Variants in PPP2R3A observed in about 807,000 individuals in gnomAD.
PPP2R3A encodes protein phosphatase 2 regulatory subunit B''alpha.
PPP2R3A carries 80 observed loss-of-function variants against 106.9 expected under a neutral mutation model. That is an observed-to-expected ratio of 0.75 (90% CI 0.62 to 0.90). The LOEUF is 0.90. PPP2R3A is among the 40% of genes least tolerant of loss of function. The pLI is 0.00. For missense variants in PPP2R3A, 1,386 were observed against 1,350.4 expected (o/e 1.03, Z -0.41); for synonymous variants, 483 against 468.3 (o/e 1.03, Z -0.41).
intron 5 of PPP2R3A, among the ~76,000 whole-genome samples, chr3:136,066,161 A>G (rs1452516180): frequency 6.6e-6 from 1 of 152,244 alleles, no homozygotes; most frequent in Non-Finnish European, 1.5e-5. Flanking sequence ...AACTGCACAA[A>G]AAAGCACAAA....
intron 7 of PPP2R3A, chr3:136,079,137 T>C (rs1350475985): frequency 4.4e-6 from 2 of 451,534 alleles, no homozygotes; most frequent in Non-Finnish European, 8.9e-6. Flanking sequence ...TTTCCTATCT[T>C]CATCTGAGAC....
At chr3:135,983,792 C>T (rs1023458123) in intron 1 of PPP2R3A, among the ~76,000 whole-genome samples, 3 of 152,078 alleles carry the variant, frequency 2.0e-5, no homozygotes, top group Non-Finnish European at 4.4e-5. Flanking sequence ...TAATTATGTC[C>T]TAGTCAGTTA....
At chr3:136,089,156 C>T (rs1937030883) in intron 9 of PPP2R3A, among the ~76,000 whole-genome samples, 1 of 152,090 alleles carries the variant, frequency 6.6e-6, no homozygotes, top group South Asian at 2.1e-4. Flanking sequence ...AATTATTTGC[C>T]TAGGCTAATG....
intron 3 of PPP2R3A, among the ~76,000 whole-genome samples, chr3:136,030,539 T>C (rs886290463): frequency 1.3e-5 from 2 of 151,894 alleles, no homozygotes; most frequent in Non-Finnish European, 2.9e-5. Context: ...TAGTGTTTTA[T>C]CCCTCACCCC....
chr3:136,011,708 A>C (rs980973225), intron 2 of PPP2R3A, among the ~76,000 whole-genome samples: 2 of 152,156 alleles, frequency 1.3e-5, no homozygotes, highest in African/African-American at 4.8e-5. Context: ...GAGATCTTTG[A>C]ATCAGTCATC....
chr3:136,022,951 T>G lies in PPP2R3A; in HGVS notation c.1996-3881T>G, dbSNP rs1009801243. On this transcript the variant is annotated intron_variant, in intron 2 of 13. Transcript: ENST00000264977. ...GGAGAGCACAATGCTTGAATTTCAT[T>G]TCTTTGGGAGATAAGAAGAAAAAAT... is the stretch of plus-strand genomic sequence containing the variant. 17 of 1,522,152 alleles carry G rather than the reference T, an allele frequency of 1.1e-5. No homozygotes were observed. The South Asian group carries it at 1.6e-4, about 15-fold the overall frequency. 94.3% of individuals were successfully genotyped at this position (1,522,152 alleles called of 1,614,324 possible).
intron 7 of PPP2R3A, among the ~76,000 whole-genome samples, chr3:136,081,351 A>G (rs1019418180): frequency 1.5e-4 from 23 of 152,082 alleles, no homozygotes; most frequent in Non-Finnish European, 2.9e-4. Context: ...TTTTGTTAAC[A>G]TTTAACCGTG....
chr3:136,083,514 A>T (rs1381630948), intron 8 of PPP2R3A, among the ~76,000 whole-genome samples: 1 of 152,206 alleles, frequency 6.6e-6, no homozygotes, highest in African/African-American at 2.4e-5. Context: ...TCTTCCCATT[A>T]TAAATTACCC....
chr3:136,098,878 AC>A (rs1937282892), intron 10 of PPP2R3A, among the ~76,000 whole-genome samples: 1 of 152,164 alleles, frequency 6.6e-6, no homozygotes, highest in South Asian at 2.1e-4. Flanking sequence ...GTTTAAATGA[AC>A]AGTTGATCTT....
At chr3:135,967,305 A>G (rs565643190) in intron 1 of PPP2R3A, among the ~76,000 whole-genome samples, 14 of 152,342 alleles carry the variant, frequency 9.2e-5, no homozygotes, top group African/African-American at 2.2e-4. Context: ...ACTGGGGCCA[A>G]TCTGGCTGTT....
intron 13 of PPP2R3A, among the ~76,000 whole-genome samples, chr3:136,113,453 T>C (rs1388290643): frequency 6.6e-6 from 1 of 152,132 alleles, no homozygotes; most frequent in African/African-American, 2.4e-5. Context: ...CTGGACCCCT[T>C]CCTTTCACCA....
chr3:135,969,191 T>G (rs1156367232), intron 1 of PPP2R3A, among the ~76,000 whole-genome samples: 1 of 152,180 alleles, frequency 6.6e-6, no homozygotes, highest in African/African-American at 2.4e-5. Flanking sequence ...TTAGAATGCT[T>G]TGGAAGGAAA....
At position 136,090,664 on chromosome 3, in the gene PPP2R3A, C is replaced by T. The variant is rs769692474; in HGVS notation, c.2924C>T (p.Thr975Ile). 6.2e-7 allele frequency: 1 copy of T among 1,609,976 alleles called. No homozygotes were observed. Among genetic ancestry groups the T allele is most frequent in the East Asian group, 2.2e-5 (1 of 44,800 alleles). Residue 975 changes from threonine to isoleucine, a missense_variant, in exon 10 of 14, where the codon ACC (threonine) becomes ATC (isoleucine). By Grantham distance (89) the Thr-to-Ile change is moderately conservative (BLOSUM62 -1). Coordinates refer to ENST00000264977, the MANE Select transcript of PPP2R3A (RefSeq NM_002718.5). ...TCTGAAGAAGACAAAAGGAATCCTACCAGGTATGATTTCTAAGTTTCCTTT... is the reference window on the plus strand; with the variant it reads ...TCTGAAGAAGACAAAAGGAATCCTATCAGGTATGATTTCTAAGTTTCCTTT... Reference protein sequence around the residue: ...LISEEDKRNPTSIEYWFRCMD... With the variant: ...LISEEDKRNPISIEYWFRCMD...
chr3:136,001,982 T>C lies in PPP2R3A; in HGVS notation c.484T>C (p.Cys162Arg). The change falls in exon 2 of 14, where the codon TGT becomes CGT. Residue 162 changes from cysteine to arginine, a missense_variant. By Grantham distance (180) the Cys-to-Arg change is radical (BLOSUM62 -3). Transcript: ENST00000264977. ...GAGGTCAGTTGATTTGGACTTGCTTTGTGGCCATTATAACAACGATGGGAA... is the reference window on the plus strand; with the variant it reads ...GAGGTCAGTTGATTTGGACTTGCTTCGTGGCCATTATAACAACGATGGGAA... Reference protein sequence around the residue: ...NRRSVDLDLLCGHYNNDGNAP... With the variant: ...NRRSVDLDLLRGHYNNDGNAP... 1 of 1,614,154 alleles carries C rather than the reference T, an allele frequency of 6.2e-7. No individual in the cohort carries two copies. The highest frequency in any genetic ancestry group is 2.2e-5 in the East Asian group (1 of 44,878).
chr3:136,088,898 G>A (rs1057037872), intron 9 of PPP2R3A, among the ~76,000 whole-genome samples: 5 of 152,144 alleles, frequency 3.3e-5, no homozygotes, highest in African/African-American at 1.2e-4. Flanking sequence ...CTTTTGAGAA[G>A]TGTCCGTTCA....
chr3:136,065,578 A>G (rs892646671), intron 5 of PPP2R3A, among the ~76,000 whole-genome samples: 3 of 152,336 alleles, frequency 2.0e-5, no homozygotes, highest in Non-Finnish European at 2.9e-5. Context: ...TAAAAAACCA[A>G]TAGCACTTTT....
At chr3:136,136,016 A>T (rs1177311098) in intron 13 of PPP2R3A, among the ~76,000 whole-genome samples, 1 of 134,010 alleles carries the variant, frequency 7.5e-6, no homozygotes, top group Non-Finnish European at 1.5e-5. Flanking sequence ...ATTGCACTCC[A>T]GCCTGGGCAA....
At chr3:136,079,611 G>A (rs1290612877) in intron 7 of PPP2R3A, among the ~76,000 whole-genome samples, 1 of 151,884 alleles carries the variant, frequency 6.6e-6, no homozygotes, top group Non-Finnish European at 1.5e-5. Context: ...ATTTCACTGT[G>A]TTGGCCAGGC....
At chr3:136,014,110 T>C (rs1337270172) in intron 2 of PPP2R3A, among the ~76,000 whole-genome samples, 4 of 152,180 alleles carry the variant, frequency 2.6e-5, no homozygotes, top group Non-Finnish European at 4.4e-5. Context: ...CTTTCCCCAC[T>C]TTATGTTTTT....
Sources: allele counts gnomAD v4.1 joint callset (sites outside exome capture counted in the v4.1 genomes callset), GRCh38; gene constraint gnomAD v4.1.1; transcripts MANE v1.5; gene names NCBI Gene and HGNC (gene_info 2026-07-23, HGNC 2026-07-21).